DPH6: variants seen among roughly 807,000 people sequenced by gnomAD.
DPH6 encodes the protein diphthine--ammonia ligase.
A neutral mutation model predicts 38.2 loss-of-function variants in DPH6; 33 were observed. That is an observed-to-expected ratio of 0.86 (90% CI 0.65 to 1.15). DPH6 has a LOEUF of 1.15. Ranked by LOEUF, DPH6 falls within the 50% of genes most tolerant of loss-of-function variation. The pLI, the probability that DPH6 is intolerant of heterozygous loss-of-function variation, is 0.00. For missense variants in DPH6, 325 were observed against 320.0 expected (o/e 1.02, Z -0.12); for synonymous variants, 108 against 103.0 (o/e 1.05, Z -0.30).
chr15:35,347,486 A>G (rs1027942785), intron 3 of DPH6, among the ~76,000 whole-genome samples: 1 of 151,266 alleles, frequency 6.6e-6, no homozygotes, highest in Non-Finnish European at 1.5e-5. Flanking sequence ...AAGACTGAAT[A>G]ACACTCCACT....
chr15:35,516,315 C>T (rs139334509), intron 3 of DPH6, among the ~76,000 whole-genome samples: 1 of 152,230 alleles, frequency 6.6e-6, no homozygotes, highest in East Asian at 1.9e-4. Context: ...TCTATGGCCC[C>T]AATGAAAGAG....
chr15:35,222,647 G>A (rs2051450160), intron 3 of DPH6, among the ~76,000 whole-genome samples: 3 of 152,098 alleles, frequency 2.0e-5, no homozygotes, highest in Admixed American at 1.3e-4. Flanking sequence ...TACAGAAAAA[G>A]TCACTTATGT....
At chr15:35,435,362 C>T (rs1040553174) in intron 5 of DPH6, among the ~76,000 whole-genome samples, 3 of 152,132 alleles carry the variant, frequency 2.0e-5, no homozygotes, top group Admixed American at 6.5e-5. Flanking sequence ...GACAACTGTT[C>T]GAATGGCTTC....
the DPH6 span, among the ~76,000 whole-genome samples, chr15:35,189,876 ATGAAT>A: frequency 2.6e-5 from 4 of 152,330 alleles, no homozygotes; most frequent in African/African-American, 9.6e-5. Flanking sequence ...TCCAGGGGAA[ATGAAT>A]GGACTTAGGA....
At chr15:35,479,541 T>G (rs927399678) in intron 3 of DPH6, among the ~76,000 whole-genome samples, 3 of 152,070 alleles carry the variant, frequency 2.0e-5, no homozygotes, top group African/African-American at 7.2e-5. Context: ...AGACTCCTCC[T>G]CCAAGACTTC....
intron 5 of DPH6, among the ~76,000 whole-genome samples, chr15:35,446,381 C>T (rs1284695614): frequency 6.6e-6 from 1 of 151,474 alleles, no homozygotes; most frequent in Non-Finnish European, 1.5e-5. Flanking sequence ...CAGGCACACA[C>T]CACCATGCCC....
At chr15:35,325,727 A>C (rs1464694702) in intron 3 of DPH6, among the ~76,000 whole-genome samples, 1 of 152,188 alleles carries the variant, frequency 6.6e-6, no homozygotes, top group Non-Finnish European at 1.5e-5. Context: ...AAAAATAATA[A>C]ACTGTACTGC....
chr15:35,502,437 C>A (rs1300954480), intron 3 of DPH6, among the ~76,000 whole-genome samples: 1 of 152,006 alleles, frequency 6.6e-6, no homozygotes, highest in African/African-American at 2.4e-5. Flanking sequence ...GACAAATAAT[C>A]TCCCATTCAG....
chr15:35,364,440 C>CA (rs553611892), intron 3 of DPH6, among the ~76,000 whole-genome samples: 4 of 150,764 alleles, frequency 2.7e-5, no homozygotes, highest in South Asian at 4.2e-4. Flanking sequence ...TTTATATCTT[C>CA]AAAAAAAAAT....
chr15:35,237,750 T>G (rs1416963974), intron 3 of DPH6: 12 of 1,611,946 alleles, frequency 7.4e-6, no homozygotes, highest in Non-Finnish European at 1.0e-5. Context: ...CTCCTGCAAC[T>G]CACATATCTT....
At chr15:35,542,612 G>A in intron 1 of DPH6, 105 bp from the exon 2 acceptor site, 1 of 1,103,084 alleles carries the variant, frequency 9.1e-7, no homozygotes, top group African/African-American at 1.5e-5. Context: ...TGACTCTTCA[G>A]AATATATTAC....
At chr15:35,445,612 T>C (rs2053842331) in intron 5 of DPH6, among the ~76,000 whole-genome samples, 1 of 152,084 alleles carries the variant, frequency 6.6e-6, no homozygotes, top group Admixed American at 6.5e-5. Context: ...ATGAAATACA[T>C]GTAGCTGTTC....
the DPH6 span, among the ~76,000 whole-genome samples, chr15:35,157,684 A>G: frequency 2.6e-5 from 4 of 152,118 alleles, no homozygotes; most frequent in African/African-American, 9.7e-5. Context: ...AACAAGAGAC[A>G]CACAGAATGG....
chr15:35,435,654 T>C (rs1384729293), intron 5 of DPH6, among the ~76,000 whole-genome samples: 1 of 152,142 alleles, frequency 6.6e-6, no homozygotes, highest in Non-Finnish European at 1.5e-5. Flanking sequence ...AAATCTGTCC[T>C]CCTCACCCTT....
chr15:35,176,956 G>A, the DPH6 span, among the ~76,000 whole-genome samples: 4 of 152,126 alleles, frequency 2.6e-5, no homozygotes, highest in African/African-American at 4.8e-5. Flanking sequence ...AGCAGCGTAC[G>A]GCATCTGATT....
intron 3 of DPH6, among the ~76,000 whole-genome samples, chr15:35,352,964 A>T (rs1566877984): frequency 6.6e-6 from 1 of 152,156 alleles, no homozygotes; most frequent in Non-Finnish European, 1.5e-5. Flanking sequence ...CTTTTCAATG[A>T]TCGCCATTCA....
At position 35,451,738 on chromosome 15, in the gene DPH6, C is replaced by T. The variant is rs181741832; in HGVS notation, c.387-935G>A. Among the ~76,000 whole-genome samples the T allele has an allele frequency of 1.7e-3, 265 of 152,256 alleles. 2 individuals are homozygous for T. The highest frequency in any genetic ancestry group is 5.8e-3 in the African/African-American group (243 of 41,552). Reference sequence around the variant, plus strand: ...TTTAAGACATAAAATAGGACAGGCGCGGTGACTCACGACTGTAATGCCAGC... The same window carrying T: ...TTTAAGACATAAAATAGGACAGGCGTGGTGACTCACGACTGTAATGCCAGC... On this transcript the variant is annotated intron_variant, in intron 4 of 8. Coordinates refer to ENST00000256538, the MANE Select transcript of DPH6 (RefSeq NM_080650.4).
intron 3 of DPH6, among the ~76,000 whole-genome samples, chr15:35,229,856 T>C (rs574314429): frequency 6.6e-6 from 1 of 152,346 alleles, no homozygotes; most frequent in African/African-American, 2.4e-5. Context: ...ATAAAAACTC[T>C]TTGTTCTCTT....
intron 6 of DPH6, among the ~76,000 whole-genome samples, chr15:35,399,041 A>G (rs1165762936): frequency 6.6e-6 from 1 of 152,174 alleles, no homozygotes; most frequent in Admixed American, 6.5e-5. Context: ...CTTACAATCA[A>G]ATTCTTAGGC....
Sources: gnomAD v4.1 joint callset for allele counts (sites outside exome capture counted in the v4.1 genomes callset) on GRCh38, gnomAD v4.1.1 for gene constraint, MANE v1.5 for transcripts, NCBI Gene and HGNC (gene_info 2026-07-23, HGNC 2026-07-21) for gene names.